Variants in TRPM3 observed in about 807,000 individuals in gnomAD.
The protein encoded by TRPM3 is long transient receptor potential channel 3.
TRPM3 carries 77 observed loss-of-function variants against 181.2 expected under a neutral mutation model. That is an observed-to-expected ratio of 0.42 (90% CI 0.35 to 0.51). TRPM3 has a LOEUF of 0.51. Among genes scored for constraint, TRPM3 ranks in the 20% least tolerant of loss-of-function variants. The pLI, the probability that TRPM3 is intolerant of heterozygous loss-of-function variation, is 0.01. For synonymous variants in TRPM3, 745 were observed against 796.4 expected (o/e 0.94, Z 1.09); for missense variants, 1,759 against 2,196.7 (o/e 0.80, Z 3.98).
intron 1 of TRPM3, among the ~76,000 whole-genome samples, chr9:71,117,595 A>G (rs2072697007): frequency 1.3e-5 from 2 of 152,132 alleles, no homozygotes; most frequent in South Asian, 4.1e-4. Context: ...AGTTACAGAA[A>G]GATTAAGTAA....
At chr9:71,250,781 G>T (rs1006777855) in intron 1 of TRPM3, among the ~76,000 whole-genome samples, 9 of 152,160 alleles carry the variant, frequency 5.9e-5, no homozygotes. Flanking sequence ...ATATGCAAAG[G>T]TCCTAAGATT....
intron 1 of TRPM3, among the ~76,000 whole-genome samples, chr9:70,955,733 G>T (rs1248838182): frequency 6.6e-6 from 1 of 151,992 alleles, no homozygotes; most frequent in Non-Finnish European, 1.5e-5. Flanking sequence ...TTTGATCTGG[G>T]CAAATTACCT....
chr9:71,173,684 G>T (rs1587779982), intron 1 of TRPM3, among the ~76,000 whole-genome samples: 1 of 152,198 alleles, frequency 6.6e-6, no homozygotes, highest in Non-Finnish European at 1.5e-5. Flanking sequence ...AAGCAGCTTT[G>T]GAGAGAGGCA....
At chr9:70,925,111 A>T (rs909287365) in intron 1 of TRPM3, among the ~76,000 whole-genome samples, 2 of 152,212 alleles carry the variant, frequency 1.3e-5, no homozygotes, top group African/African-American at 4.8e-5. Context: ...GCTAACATGT[A>T]TAGCCCTACC....
At chr9:70,787,147 A>G (rs982524705) in intron 6 of TRPM3, among the ~76,000 whole-genome samples, 8 of 152,190 alleles carry the variant, frequency 5.3e-5, no homozygotes, top group Admixed American at 2.0e-4. Context: ...TCAAAATATT[A>G]TAACTTCTAG....
chr9:70,645,151 T>A (rs762159520), intron 9 of TRPM3, among the ~76,000 whole-genome samples: 1 of 152,180 alleles, frequency 6.6e-6, no homozygotes, highest in Non-Finnish European at 1.5e-5. Flanking sequence ...ATTTACAGAT[T>A]CAATGCTATT....
intron 1 of TRPM3, among the ~76,000 whole-genome samples, chr9:71,277,893 GAAC>G (rs1311511401): frequency 8.7e-6 from 1 of 114,682 alleles, no homozygotes; most frequent in African/African-American, 2.7e-5. Flanking sequence ...TCAGAGAGTA[GAAC>G]TGTAAAGCAG....
chr9:70,764,102 G>C (rs115165566), intron 7 of TRPM3, among the ~76,000 whole-genome samples: 128 of 152,264 alleles, frequency 8.4e-4, no homozygotes, highest in African/African-American at 3.0e-3. Context: ...CGAAGGTGAC[G>C]TTATAGAGAT....
At chr9:71,090,127 A>T (rs951047829) in intron 1 of TRPM3, among the ~76,000 whole-genome samples, 3 of 152,126 alleles carry the variant, frequency 2.0e-5, no homozygotes, top group Admixed American at 6.6e-5. Flanking sequence ...TCTGTGGCAC[A>T]GTAGAGTCTT....
intron 12 of TRPM3, among the ~76,000 whole-genome samples, chr9:70,634,574 A>C (rs1472355336): frequency 6.6e-6 from 1 of 152,168 alleles, no homozygotes; most frequent in Non-Finnish European, 1.5e-5. Context: ...CTTTAAACCT[A>C]GCTCTTCACT....
intron 1 of TRPM3, among the ~76,000 whole-genome samples, chr9:71,136,279 A>C (rs539246608): frequency 6.6e-6 from 1 of 152,326 alleles, no homozygotes; most frequent in East Asian, 1.9e-4. Context: ...AATCCTTTAA[A>C]GTTGACTTTG....
In TRPM3 at chr9:70,537,066, A is replaced by G; in HGVS notation, c.4047T>C (p.His1349=). Residue 1349 remains histidine (H), a synonymous_variant, in exon 26 of 26, where the codon CAT becomes CAC. Coordinates refer to ENST00000677713, the MANE Select transcript of TRPM3 (RefSeq NM_001366145.2). ...SPTLMPRMRS[H]SFYSVNMKDK... Reference sequence around the variant, plus strand: ...CTTTCATATTGACCGAATAGAAAGAATGGCTTCGCATACGGGGCATTAAGG... The same window carrying G: ...CTTTCATATTGACCGAATAGAAAGAGTGGCTTCGCATACGGGGCATTAAGG... The G allele has an allele frequency of 1.9e-6, 3 of 1,612,272 alleles. No homozygotes were observed. The highest frequency in any genetic ancestry group is 1.1e-5 in the South Asian group (1 of 91,072).
chr9:70,866,614 A>T (rs1450105917), intron 1 of TRPM3, among the ~76,000 whole-genome samples: 3 of 152,056 alleles, frequency 2.0e-5, no homozygotes, highest in African/African-American at 7.2e-5. Flanking sequence ...ATGAAGGCTC[A>T]GATGAGGGGA....
In TRPM3 at chr9:71,330,128, G is replaced by A. The variant is rs1028982392; in HGVS notation, c.183+116525C>T. Reference sequence around the variant, plus strand: ...AAATGTATTCCTTAGGCACAGTCCTGCTGTATCCTTCCTGCAGGCGGCTCT... The same window carrying A: ...AAATGTATTCCTTAGGCACAGTCCTACTGTATCCTTCCTGCAGGCGGCTCT... On this transcript the variant is annotated intron_variant, in intron 1 of 24. Coordinates refer to the TRPM3 transcript ENST00000357533. Among the ~76,000 whole-genome samples, 7 of 151,840 alleles carry A rather than the reference G, an allele frequency of 4.6e-5. No homozygotes were observed. The East Asian group carries it at 1.2e-3, about 25-fold the overall frequency.
intron 4 of TRPM3, among the ~76,000 whole-genome samples, chr9:70,843,969 G>T (rs1170202177): frequency 6.6e-6 from 1 of 152,146 alleles, no homozygotes; most frequent in East Asian, 1.9e-4. Context: ...TATGAATGTT[G>T]AGTTGGATTT....
At chr9:70,800,072 C>T (rs142123736) in intron 6 of TRPM3, among the ~76,000 whole-genome samples, 55 of 152,008 alleles carry the variant, frequency 3.6e-4, no homozygotes, top group African/African-American at 1.2e-3. Flanking sequence ...GCCTCTGGTT[C>T]AACACTGAAC....
At chr9:71,245,585 A>G (rs994945046) in intron 1 of TRPM3, among the ~76,000 whole-genome samples, 1 of 152,210 alleles carries the variant, frequency 6.6e-6, no homozygotes, top group African/African-American at 2.4e-5. Flanking sequence ...GAGAATTTAT[A>G]AGAATAAATT....
chr9:70,576,845 G>C (rs1024001763), intron 22 of TRPM3, among the ~76,000 whole-genome samples: 1 of 152,084 alleles, frequency 6.6e-6, no homozygotes, highest in African/African-American at 2.4e-5. Context: ...AATCACACTG[G>C]CATTTTTTTT....
At chr9:71,207,891 T>G (rs2079222952) in intron 1 of TRPM3, among the ~76,000 whole-genome samples, 1 of 152,158 alleles carries the variant, frequency 6.6e-6, no homozygotes. Context: ...TTTATTTTTT[T>G]CCTTAACTGC....
Sources: allele counts gnomAD v4.1 joint callset (sites outside exome capture counted in the v4.1 genomes callset), GRCh38; gene constraint gnomAD v4.1.1; transcripts MANE v1.5; gene names NCBI Gene and HGNC (gene_info 2026-07-23, HGNC 2026-07-21).